Variants in CDC25A observed in about 807,000 individuals in gnomAD.
CDC25A encodes the protein M-phase inducer phosphatase 1.
In CDC25A, 17 loss-of-function variants were observed where a neutral mutation model predicts 64.6. The observed-to-expected ratio is 0.26, with a 90% CI of 0.18 to 0.39. The LOEUF (loss-of-function observed/expected upper bound fraction) is 0.39, where lower values mean the gene tolerates loss of function less well. Ranked by LOEUF, CDC25A falls within the 10% of genes least tolerant of loss-of-function variation. CDC25A has a pLI of 1.00. For synonymous variants in CDC25A, 229 were observed against 238.6 expected (o/e 0.96, Z 0.37); for missense variants, 473 against 654.8 (o/e 0.72, Z 3.03).
chr3:48,184,679 A>G lies in CDC25A; in HGVS notation c.264T>C (p.Ser88=). 1 of 1,591,950 alleles carries G rather than the reference A, an allele frequency of 6.3e-7. No individual in the cohort carries two copies. The highest frequency in any genetic ancestry group is 1.8e-5 in the Admixed American group (1 of 54,360). ...TTTCTTTACTGTCCAATGGCCCAGG[A>G]GAATCTAGACAGAAACCTATGGGGA... ...ESTDSGFCLD[S]PGPLDSKENL... is the part of the protein sequence containing the mutation. The change falls in exon 3 of 15, where the codon TCT becomes TCC. Residue 88 remains serine (S), a synonymous_variant. Transcript: ENST00000302506.
intron 13 of CDC25A, among the ~76,000 whole-genome samples, chr3:48,160,481 G>T (rs1196353133): frequency 1.3e-5 from 2 of 150,852 alleles, no homozygotes; most frequent in Admixed American, 6.6e-5. Context: ...CGCGATCTCG[G>T]CTCACTGCAA....
At chr3:48,180,898 G>T in intron 5 of CDC25A, 58 bp from the exon 6 acceptor site, 2 of 1,581,884 alleles carry the variant, frequency 1.3e-6, no homozygotes, top group Middle Eastern at 2.0e-4. Context: ...GCCTCAGCTT[G>T]GGTGAAAGAG....
rs2032638042 is a variant in CDC25A, at chr3:48,180,777, G to A, written c.493C>T (p.Leu165Phe). ...GTGAAGAGATCTTTACCCTCCTGGA[G>A]TCCATGAGAGTGCAGGCAGCCACGA... is the stretch of plus-strand genomic sequence containing the variant. ...VSRGCLHSHGLQEGKDLFTQR... is the reference protein window; with the variant it reads ...VSRGCLHSHGFQEGKDLFTQR... The change falls in exon 6 of 15, where the codon CTC becomes TTC. Residue 165 changes from leucine to phenylalanine, a missense_variant. Around this residue, in one of 2 missense-constraint regions of CDC25A, gnomAD observed 376 missense variants for 431.9 expected, o/e 0.87. Coordinates refer to ENST00000302506, the MANE Select transcript of CDC25A (RefSeq NM_001789.3). 1.2e-6 allele frequency: 2 copies of A among 1,613,184 alleles called. No individual in the cohort carries two copies. The highest frequency in any genetic ancestry group is 1.3e-5 in the African/African-American group (1 of 74,908).
rs17080022 is a variant in CDC25A, at chr3:48,186,850, C to T, written c.171-71G>A. 39 of 1,035,636 alleles carry T rather than the reference C, an allele frequency of 3.8e-5. No individual in the cohort carries two copies. The East Asian group carries it at 1.0e-3, about 27-fold the overall frequency. The allele number at this position is 1,035,636 out of a possible 1,614,324, so 64.2% of individuals were successfully genotyped here. A position where few individuals can be genotyped will look rare whatever the true frequency, so the allele number is the denominator to read the frequency against. ...TAAAAGGTCACATGCAGGAGATAGGCCATGAGATTAAGAAGCAGCCAGGCT... is the reference window on the plus strand; with the variant it reads ...TAAAAGGTCACATGCAGGAGATAGGTCATGAGATTAAGAAGCAGCCAGGCT... On this transcript the variant is annotated intron_variant, in intron 1 of 14. Coordinates refer to ENST00000302506, the MANE Select transcript of CDC25A (RefSeq NM_001789.3).
rs902969656 is a variant in CDC25A at position 48,164,187 on chromosome 3, T to A, written c.1322+120A>T. The A allele has an allele frequency of 1.8e-5, 16 of 889,878 alleles. No individual in the cohort carries two copies. The African/African-American group carries it at 2.6e-4, about 14-fold the overall frequency. The allele number at this position is 889,878 out of a possible 1,614,324, so 55.1% of individuals were successfully genotyped here. ...AAAATTACATATGAAAATGGCTTGT[T>A]ATGTGCCAGAGGTTGCTTGATATGC... is the stretch of plus-strand genomic sequence containing the variant. On this transcript the variant is annotated intron_variant, in intron 13 of 14. Transcript: ENST00000302506.
intron 12 of CDC25A, among the ~76,000 whole-genome samples, chr3:48,165,085 G>C (rs1388805588): frequency 6.9e-6 from 1 of 145,854 alleles, no homozygotes; most frequent in Non-Finnish European, 1.5e-5. Context: ...ACTCCAGCCT[G>C]GCGACAGAGC....
chr3:48,187,555 C>A (rs948583888), intron 1 of CDC25A, among the ~76,000 whole-genome samples: 1 of 152,232 alleles, frequency 6.6e-6, no homozygotes, highest in African/African-American at 2.4e-5. Context: ...GGGCTTAGGC[C>A]CAAGGATCTC....
At chr3:48,180,972 T>C in intron 5 of CDC25A, 132 bp from the exon 6 acceptor site, 1 of 727,002 alleles carries the variant, frequency 1.4e-6, no homozygotes, top group Admixed American at 2.6e-5. Context: ...ATTCCAACAA[T>C]AGATCTGCGT....
intron 9 of CDC25A, among the ~76,000 whole-genome samples, chr3:48,174,062 G>C (rs953585929): frequency 6.6e-6 from 1 of 152,176 alleles, no homozygotes; most frequent in Non-Finnish European, 1.5e-5. Flanking sequence ...GGGAGGCCAA[G>C]GCAGGAGGAT....
rs945831955 is a variant in CDC25A at position 48,188,018 on chromosome 3, G to A, written c.-71C>T. The A allele has an allele frequency of 4.8e-6, 6 of 1,246,322 alleles. No individual in the cohort carries two copies. Among genetic ancestry groups the A allele is most frequent in the Middle Eastern group, 3.0e-4 (1 of 3,310 alleles). 77.2% of individuals were successfully genotyped at this position (1,246,322 alleles called of 1,614,324 possible). ...TCCGCCGCGACCGCCCCGCCCCGCC[G>A]ACACCGGCCTCGGCCGCGCGCCACC... On this transcript the variant is annotated 5_prime_UTR_variant, in exon 1 of 15. Transcript: ENST00000302506.
chr3:48,159,132 C>T, intron 14 of CDC25A, 47 bp from the exon 15 acceptor site: 1 of 1,599,680 alleles, frequency 6.3e-7, no homozygotes, highest in Non-Finnish European at 8.5e-7. Flanking sequence ...TGCCTCACAC[C>T]CACAACCTGG....
At chr3:48,169,223 T>C (rs976221475) in intron 9 of CDC25A, among the ~76,000 whole-genome samples, 9 of 152,224 alleles carry the variant, frequency 5.9e-5, no homozygotes, top group Non-Finnish European at 7.3e-5. Context: ...TAAGTTTCTC[T>C]TTATAGATAT....
chr3:48,170,125 C>G (rs1575264233), intron 9 of CDC25A, among the ~76,000 whole-genome samples: 1 of 152,152 alleles, frequency 6.6e-6, no homozygotes, highest in African/African-American at 2.4e-5. Context: ...TCAACAGCAA[C>G]AGAAGACAGA....
chr3:48,180,245 T>C, intron 6 of CDC25A: 1 of 152,794 alleles, frequency 6.5e-6, no homozygotes, highest in Admixed American at 6.5e-5. Flanking sequence ...AAACCACCTT[T>C]GGAAGAAGTC....
intron 6 of CDC25A, among the ~76,000 whole-genome samples, chr3:48,179,283 G>A (rs2032576507): frequency 6.6e-6 from 1 of 152,122 alleles, no homozygotes; most frequent in Non-Finnish European, 1.5e-5. Context: ...GGATTCCTAG[G>A]TGCAGATGTG....
intron 9 of CDC25A, among the ~76,000 whole-genome samples, chr3:48,171,475 G>T (rs1308206096): frequency 6.6e-6 from 1 of 151,214 alleles, no homozygotes; most frequent in Admixed American, 6.6e-5. Flanking sequence ...CCATTTCCCG[G>T]GTTCAAGCGA....
chr3:48,178,722 T>C lies in CDC25A; in HGVS notation c.550-734A>G, dbSNP rs372938694. Among the ~76,000 whole-genome samples the C allele has an allele frequency of 6.6e-5, 10 of 152,256 alleles. No individual in the cohort carries two copies. In the East Asian group the frequency reaches 1.7e-3, roughly 26 times the overall value. On this transcript the variant is annotated intron_variant, in intron 6 of 14. Coordinates refer to ENST00000302506, the MANE Select transcript of CDC25A (RefSeq NM_001789.3). ...ACACTATCTCCCTAGGAGAAAACCA[T>C]TCCTGGAATTAAAATGGCGGTACCT...
At chr3:48,172,396 A>G (rs2106722832) in intron 9 of CDC25A, among the ~76,000 whole-genome samples, 1 of 152,384 alleles carries the variant, frequency 6.6e-6, no homozygotes, top group South Asian at 2.1e-4. Context: ...TTCATGCCAC[A>G]GAAAACACAG....
intron 7 of CDC25A, 106 bp from the exon 8 acceptor site, chr3:48,177,548 AG>A: frequency 4.7e-6 from 4 of 853,202 alleles, no homozygotes; most frequent in South Asian, 1.5e-5. Context: ...AGGCCTGGAT[AG>A]GAAGTATCCT....
Sources: gnomAD v4.1 joint callset for allele counts (sites outside exome capture counted in the v4.1 genomes callset) on GRCh38, gnomAD v4.1.1 for gene constraint, gnomAD v4.1.1 regional missense constraint, MANE v1.5 for transcripts, NCBI Gene and HGNC (gene_info 2026-07-23, HGNC 2026-07-21) for gene names.